The following DNER variants were observed in gnomAD, a reference collection of about 807,000 sequenced individuals.
DNER encodes the protein delta/notch like EGF repeat containing.
A neutral mutation model predicts 78.2 loss-of-function variants in DNER; 33 were observed. The observed-to-expected ratio is 0.42, with a 90% confidence interval of 0.32 to 0.56. The LOEUF is 0.56. Among genes scored for constraint, DNER ranks in the 20% least tolerant of loss-of-function variants. The pLI is 0.11. For synonymous variants in DNER, 417 were observed against 384.8 expected (o/e 1.08, Z -0.98); for missense variants, 918 against 975.3 (o/e 0.94, Z 0.78).
chr2:229,388,690 T>C (rs1323324651), intron 10 of DNER, among the ~76,000 whole-genome samples: 1 of 142,810 alleles, frequency 7.0e-6, no homozygotes, highest in African/African-American at 2.6e-5. Context: ...CTTAACTAGT[T>C]AACTAGCTTC....
At chr2:229,378,964 T>C (rs1470792666) in intron 11 of DNER, among the ~76,000 whole-genome samples, 1 of 152,188 alleles carries the variant, frequency 6.6e-6, no homozygotes, top group African/African-American at 2.4e-5. Context: ...TGGTTAGAAA[T>C]ATCCAGTGCT....
intron 6 of DNER, among the ~76,000 whole-genome samples, chr2:229,485,601 A>G (rs1202846170): frequency 6.6e-6 from 1 of 152,170 alleles, no homozygotes; most frequent in Non-Finnish European, 1.5e-5. Flanking sequence ...ACCAACCCAT[A>G]TATCATTATC....
chr2:229,676,881 C>T (rs1049140047), intron 1 of DNER, among the ~76,000 whole-genome samples: 4 of 152,166 alleles, frequency 2.6e-5, no homozygotes, highest in Admixed American at 1.3e-4. Context: ...CAGTAATATA[C>T]AGCCTGCAGA....
intron 1 of DNER, among the ~76,000 whole-genome samples, chr2:229,660,792 T>C (rs1376176453): frequency 6.6e-6 from 1 of 152,210 alleles, no homozygotes; most frequent in Non-Finnish European, 1.5e-5. Flanking sequence ...AATGTAACTC[T>C]AGTGACCTTA....
intron 5 of DNER, among the ~76,000 whole-genome samples, chr2:229,515,891 C>T (rs1695961386): frequency 6.6e-6 from 1 of 152,136 alleles, no homozygotes; most frequent in African/African-American, 2.4e-5. Flanking sequence ...ATCCTCCCGC[C>T]TCGGCCTCCC....
intron 1 of DNER, among the ~76,000 whole-genome samples, chr2:229,669,837 G>A (rs973739946): frequency 6.6e-6 from 1 of 152,194 alleles, no homozygotes; most frequent in Non-Finnish European, 1.5e-5. Flanking sequence ...ATGGGAAAAA[G>A]ATCATAACAT....
chr2:229,554,512 T>C lies in DNER; in HGVS notation c.848-7420A>G, dbSNP rs570920034. ...TCCGAGACCAGCCTGGCCAACATGCTGAAACTCCATCTGTACTAAAAATAC... is the reference window on the plus strand; with the variant it reads ...TCCGAGACCAGCCTGGCCAACATGCCGAAACTCCATCTGTACTAAAAATAC... On this transcript the variant is annotated intron_variant, in intron 4 of 12. Coordinates refer to ENST00000341772, the MANE Select transcript of DNER (RefSeq NM_139072.4). Among the ~76,000 whole-genome samples, 33 of 152,204 alleles carry C rather than the reference T, an allele frequency of 2.2e-4. 1 individual carries two copies. Among genetic ancestry groups the C allele is most frequent in the African/African-American group, 6.7e-4 (28 of 41,540 alleles).
intron 3 of DNER, among the ~76,000 whole-genome samples, chr2:229,587,828 C>T (rs1403424275): frequency 6.6e-6 from 1 of 152,136 alleles, no homozygotes; most frequent in African/African-American, 2.4e-5. Flanking sequence ...CAGGTCTCAA[C>T]CAGCACTGCT....
intron 1 of DNER, among the ~76,000 whole-genome samples, chr2:229,661,990 A>G (rs1429167906): frequency 6.6e-6 from 1 of 152,208 alleles, no homozygotes; most frequent in African/African-American, 2.4e-5. Flanking sequence ...CTTGTCCATA[A>G]CATCAAACAA....
chr2:229,373,138 TATTGACAGAGTAA>T (rs1692524259), intron 11 of DNER, among the ~76,000 whole-genome samples: 2 of 152,094 alleles, frequency 1.3e-5, no homozygotes, highest in African/African-American at 4.8e-5. Context: ...CAAAAGAAAC[TATTGACAGAGTAA>T]ACAGACAACC....
intron 4 of DNER, among the ~76,000 whole-genome samples, chr2:229,574,202 A>G (rs1490325927): frequency 6.6e-6 from 1 of 152,218 alleles, no homozygotes; most frequent in African/African-American, 2.4e-5. Context: ...CCATTAAAAT[A>G]TACAAACCCT....
chr2:229,488,299 G>A (rs898713602), intron 6 of DNER, among the ~76,000 whole-genome samples: 1 of 152,228 alleles, frequency 6.6e-6, no homozygotes, highest in African/African-American at 2.4e-5. Flanking sequence ...AGTGTGTGTG[G>A]ATGTGGATGT....
intron 11 of DNER, among the ~76,000 whole-genome samples, chr2:229,380,721 T>C (rs1253553032): frequency 1.3e-5 from 2 of 151,980 alleles, no homozygotes; most frequent in African/African-American, 4.8e-5. Context: ...GGTCAAGAGA[T>C]CGAGACCATC....
Position 229,680,244 on chromosome 2 carries a change from GTATGGACACATCAA to G in DNER, c.276+33890_276+33903del, listed in dbSNP as rs1699363558. Among the ~76,000 whole-genome samples the G allele has an allele frequency of 2.0e-5, 3 of 152,174 alleles. No homozygotes were observed. In the South Asian group the frequency reaches 6.2e-4, roughly 32 times the overall value. ...TGGAATAAAAGGTGACGCAGAAGGA[GTATGGACACATCAA>G]TATGCCACTGAGTCACGGATGGCTT... On this transcript the variant is annotated intron_variant, in intron 1 of 12. Coordinates refer to ENST00000341772, the MANE Select transcript of DNER (RefSeq NM_139072.4).
chr2:229,636,075 C>G (rs891756557), intron 1 of DNER, among the ~76,000 whole-genome samples: 10 of 152,178 alleles, frequency 6.6e-5, no homozygotes, highest in Non-Finnish European at 1.0e-4. Flanking sequence ...AGGCCATCTT[C>G]TTCAGAGGCC....
intron 8 of DNER, among the ~76,000 whole-genome samples, chr2:229,436,457 T>C (rs1247792942): frequency 6.6e-6 from 1 of 152,110 alleles, no homozygotes; most frequent in Non-Finnish European, 1.5e-5. Context: ...AGAACACCTA[T>C]GAAATACTAC....
chr2:229,548,835 T>A (rs1696674778), intron 4 of DNER, among the ~76,000 whole-genome samples: 1 of 151,870 alleles, frequency 6.6e-6, no homozygotes. Flanking sequence ...AGATAGGGGA[T>A]TTATTAAACA....
At chr2:229,498,010 T>C (rs941740802) in intron 6 of DNER, among the ~76,000 whole-genome samples, 2 of 152,020 alleles carry the variant, frequency 1.3e-5, no homozygotes, top group African/African-American at 2.4e-5. Flanking sequence ...CTGATGAACA[T>C]AGAAGAAAAA....
chr2:229,618,513 CGCA>C (rs1698203535), intron 1 of DNER, among the ~76,000 whole-genome samples: 1 of 152,154 alleles, frequency 6.6e-6, no homozygotes, highest in Non-Finnish European at 1.5e-5. Context: ...GGGCCTCTCA[CGCA>C]GCATGTGATG....
Sources: allele counts gnomAD v4.1 joint callset (sites outside exome capture counted in the v4.1 genomes callset), GRCh38; gene constraint gnomAD v4.1.1; transcripts MANE v1.5; gene names NCBI Gene and HGNC (gene_info 2026-07-23, HGNC 2026-07-21).